Variants in PTPRD observed in about 807,000 individuals in gnomAD.
PTPRD encodes the protein protein tyrosine phosphatase receptor type D, also known as receptor-type tyrosine-protein phosphatase delta.
In PTPRD, 34 loss-of-function variants were observed where a neutral mutation model predicts 214.5. The ratio of observed to expected loss-of-function variants is 0.16; its 90% CI spans 0.12 to 0.21. PTPRD has a LOEUF of 0.21. PTPRD is among the 10% of genes least tolerant of loss of function. The pLI, the probability that PTPRD is intolerant of heterozygous loss-of-function variation, is 1.00. For missense variants in PTPRD, 2,545 were observed against 2,398.7 expected (o/e 1.06, Z -1.27); for synonymous variants, 1,128 against 845.7 (o/e 1.33, Z -5.79).
At chr9:10,101,703 A>G (rs1477109931) in intron 3 of PTPRD, among the ~76,000 whole-genome samples, 4 of 151,740 alleles carry the variant, frequency 2.6e-5, no homozygotes, top group Non-Finnish European at 4.4e-5. Flanking sequence ...ACATACAAAT[A>G]AAAGCTAATT....
intron 2 of PTPRD, among the ~76,000 whole-genome samples, chr9:10,538,462 C>T (rs530422405): frequency 6.6e-6 from 1 of 151,944 alleles, no homozygotes; most frequent in Non-Finnish European, 1.5e-5. Context: ...CAGGAGCTTT[C>T]TTCGGTTAAT....
chr9:10,248,811 G>A (rs1207381581), intron 3 of PTPRD, among the ~76,000 whole-genome samples: 1 of 151,786 alleles, frequency 6.6e-6, no homozygotes, highest in African/African-American at 2.4e-5. Context: ...CATCCACTGG[G>A]AATAAAAAGA....
At chr9:10,016,667 T>G (rs2096722091) in intron 4 of PTPRD, among the ~76,000 whole-genome samples, 1 of 120,226 alleles carries the variant, frequency 8.3e-6, no homozygotes. Flanking sequence ...ATGCCTCCTG[T>G]GGGTTGTTTT....
rs908841428 is a variant in PTPRD, at chr9:9,010,041, T to G, written c.-104+8656A>C. Among the ~76,000 whole-genome samples, 4 of 152,146 alleles carry G rather than the reference T, an allele frequency of 2.6e-5. No individual in the cohort carries two copies. In the East Asian group the frequency reaches 5.8e-4, roughly 22 times the overall value. On this transcript the variant is annotated intron_variant, in intron 11 of 45. Transcript: ENST00000381196. ...ATGACCAGCCTGACAAAGATGGAAA[T>G]TTTTAGGAGTTGCCTTAGGGGAAAC...
chr9:9,235,524 C>A (rs752106212), intron 9 of PTPRD, among the ~76,000 whole-genome samples: 29 of 152,100 alleles, frequency 1.9e-4, no homozygotes, highest in Non-Finnish European at 4.0e-4. Flanking sequence ...TTCTTCTCCT[C>A]TTGTCTTTTG....
intron 8 of PTPRD, among the ~76,000 whole-genome samples, chr9:9,453,743 T>A (rs1282341813): frequency 6.6e-6 from 1 of 151,700 alleles, no homozygotes; most frequent in Non-Finnish European, 1.5e-5. Flanking sequence ...TAATCTGACA[T>A]TTTTGGATTT....
At chr9:9,900,076 CACTTAAT>C (rs2076031748) in intron 5 of PTPRD, among the ~76,000 whole-genome samples, 2 of 152,018 alleles carry the variant, frequency 1.3e-5, no homozygotes, top group African/African-American at 4.8e-5. Context: ...TGGAGTGAAA[CACTTAAT>C]ATCATGCAAA....
rs528617921 is a variant in PTPRD at position 9,947,986 on chromosome 9, G to C, written c.-471-9376C>G. On this transcript the variant is annotated intron_variant, in intron 4 of 45. Coordinates refer to ENST00000381196, the MANE Select transcript of PTPRD (RefSeq NM_002839.4). ...AGTTTCCTTGTTGCAGGAATATCCT[G>C]GTAGCAAGATTTTTTTCTTCTTGAC... is the stretch of plus-strand genomic sequence containing the variant. Among the ~76,000 whole-genome samples, 4 of 151,826 alleles carry C rather than the reference G, an allele frequency of 2.6e-5. 1 individual carries two copies. The South Asian group carries it at 8.3e-4, about 31-fold the overall frequency.
At chr9:9,689,341 G>A (rs1005582485) in intron 7 of PTPRD, among the ~76,000 whole-genome samples, 3 of 151,656 alleles carry the variant, frequency 2.0e-5, no homozygotes, top group Non-Finnish European at 4.4e-5. Context: ...ATAAAATATG[G>A]AATTAATGTC....
At chr9:9,278,895 G>T (rs1038649552) in intron 9 of PTPRD, among the ~76,000 whole-genome samples, 3 of 151,276 alleles carry the variant, frequency 2.0e-5, no homozygotes, top group African/African-American at 4.8e-5. Context: ...TTAGAGCAGA[G>T]AATTTGTATA....
At chr9:10,364,695 C>G (rs192751737) in intron 2 of PTPRD, among the ~76,000 whole-genome samples, 193 of 152,216 alleles carry the variant, frequency 1.3e-3, no homozygotes, top group Admixed American at 3.6e-3. Context: ...ACAATCAGGC[C>G]TACAAAATTG....
intron 4 of PTPRD, among the ~76,000 whole-genome samples, chr9:9,955,002 G>C (rs760266783): frequency 2.0e-5 from 3 of 152,064 alleles, no homozygotes; most frequent in Non-Finnish European, 4.4e-5. Flanking sequence ...AAATGTTAAA[G>C]GCCTCCCACT....
intron 36 of PTPRD, among the ~76,000 whole-genome samples, chr9:8,402,838 T>A (rs901441133): frequency 3.9e-5 from 6 of 152,132 alleles, no homozygotes; most frequent in Non-Finnish European, 5.9e-5. Context: ...GATCTAGTAT[T>A]GGTAAAATTT....
chr9:8,476,942 T>A (rs2096777493), intron 30 of PTPRD, among the ~76,000 whole-genome samples: 1 of 152,178 alleles, frequency 6.6e-6, no homozygotes, highest in South Asian at 2.1e-4. Context: ...CTAGAAAATA[T>A]AACTCCTTAT....
chr9:8,786,041 G>C (rs2095942729), intron 11 of PTPRD, among the ~76,000 whole-genome samples: 2 of 139,878 alleles, frequency 1.4e-5, no homozygotes, highest in South Asian at 4.5e-4. Context: ...TGTTGTGTGT[G>C]TGTGTGTGTG....
At chr9:9,456,599 C>A (rs2093037421) in intron 8 of PTPRD, among the ~76,000 whole-genome samples, 1 of 151,842 alleles carries the variant, frequency 6.6e-6, no homozygotes, top group East Asian at 1.9e-4. Context: ...CTATTAGCCT[C>A]TAACTATCAC....
At chr9:9,613,967 T>C (rs759166760) in intron 7 of PTPRD, among the ~76,000 whole-genome samples, 19 of 152,218 alleles carry the variant, frequency 1.2e-4, no homozygotes, top group Non-Finnish European at 8.8e-5. Context: ...AATGATGCTC[T>C]GTTACAGTCT....
intron 12 of PTPRD, among the ~76,000 whole-genome samples, chr9:8,704,205 G>C (rs1471069491): frequency 1.3e-5 from 2 of 152,022 alleles, no homozygotes; most frequent in African/African-American, 2.4e-5. Context: ...CTCCACACCA[G>C]AGCCAGCAAC....
chr9:9,813,720 T>A (rs539051800), intron 5 of PTPRD, among the ~76,000 whole-genome samples: 3 of 152,202 alleles, frequency 2.0e-5, no homozygotes, highest in African/African-American at 7.2e-5. Context: ...CTTTTCAAAC[T>A]TTTCTAAAAA....
Sources: allele counts gnomAD v4.1 joint callset (sites outside exome capture counted in the v4.1 genomes callset), GRCh38; gene constraint gnomAD v4.1.1; transcripts MANE v1.5; gene names NCBI Gene and HGNC (gene_info 2026-07-23, HGNC 2026-07-21).